CACNA1E: variants seen among roughly 807,000 people sequenced by gnomAD.
CACNA1E encodes the protein voltage-dependent R-type calcium channel subunit alpha-1E.
Under a neutral mutation model 259.2 loss-of-function variants are expected in CACNA1E, and 40 were observed. The observed-to-expected ratio is 0.15, with a 90% CI of 0.12 to 0.20. The LOEUF is 0.20. Among genes scored for constraint, CACNA1E ranks in the 10% least tolerant of loss-of-function variants. The pLI is 1.00. For synonymous variants in CACNA1E, 1,104 were observed against 1,138.5 expected, an observed-to-expected ratio of 0.97 and a Z score of 0.61; for missense variants, 1,874 against 3,040.1, an observed-to-expected ratio of 0.62 and a Z score of 9.02.
intron 7 of CACNA1E, among the ~76,000 whole-genome samples, chr1:181,701,959 G>A (rs928430683): frequency 6.6e-6 from 1 of 152,122 alleles, no homozygotes; most frequent in Non-Finnish European, 1.5e-5. Flanking sequence ...TGCCAGCAGA[G>A]GGGAAGGAGG....
chr1:181,587,798 GTGTGAA>G (rs1652225829), intron 6 of CACNA1E, among the ~76,000 whole-genome samples: 1 of 152,208 alleles, frequency 6.6e-6, no homozygotes, highest in Non-Finnish European at 1.5e-5. Context: ...CAGGAGAATG[GTGTGAA>G]CCCGGGAGGT....
intron 3 of CACNA1E, among the ~76,000 whole-genome samples, chr1:181,569,923 G>C (rs1650235413): frequency 6.6e-6 from 1 of 152,162 alleles, no homozygotes; most frequent in African/African-American, 2.4e-5. Flanking sequence ...TATAAGAACT[G>C]TATGTAATTG....
chr1:181,477,495 G>A (rs753576433), intron 2 of CACNA1E, among the ~76,000 whole-genome samples: 1 of 152,174 alleles, frequency 6.6e-6, no homozygotes, highest in African/African-American at 2.4e-5. Flanking sequence ...TTGTTAAATG[G>A]GTTTATGAAT....
intron 1 of CACNA1E, among the ~76,000 whole-genome samples, chr1:181,372,826 A>G (rs78225454): frequency 1.3e-5 from 1 of 77,572 alleles, no homozygotes; most frequent in Non-Finnish European, 2.9e-5. Context: ...ATATATATAT[A>G]TATTTTTTTT....
In CACNA1E at chr1:181,442,048, C is replaced by G. The variant is rs576093938; in HGVS notation, c.434+28468C>G. On this transcript the variant is annotated intron_variant, in intron 2 of 11. Transcript: ENST00000524607. ...ACAGTATTTTATAGCCCACACGGAC[C>G]TTGGACTCTGGCATGCCATGTAATA... is the stretch of plus-strand genomic sequence containing the variant. Among the ~76,000 whole-genome samples, 7 of 152,280 alleles carry G rather than the reference C, an allele frequency of 4.6e-5. No individual in the cohort carries two copies. In the East Asian group the frequency reaches 1.3e-3, roughly 29 times the overall value.
chr1:181,615,539 T>C (rs1184615611), intron 6 of CACNA1E, among the ~76,000 whole-genome samples: 6 of 152,204 alleles, frequency 3.9e-5, no homozygotes, highest in African/African-American at 7.2e-5. Context: ...GGCATTATTT[T>C]TAAAGTTCTG....
In CACNA1E at chr1:181,572,903, G is replaced by A. The variant is rs191795284; in HGVS notation, c.513-4863G>A. ...GCTTGGTAATTTGTGGCCTTAGAAT[G>A]AAGGGAAGAATGCTCACTTGCCTGT... On this transcript the variant is annotated intron_variant, in intron 3 of 47. Coordinates refer to ENST00000367573, the MANE Select transcript of CACNA1E (RefSeq NM_001205293.3). Among the ~76,000 whole-genome samples the A allele has an allele frequency of 4.2e-3, 643 of 152,292 alleles. 4 individuals are homozygous for A. The highest frequency in any genetic ancestry group is 0.024 in the Middle Eastern group (7 of 294).
chr1:181,494,679 C>T (rs12565873), intron 1 of CACNA1E, among the ~76,000 whole-genome samples: 4 of 152,280 alleles, frequency 2.6e-5, no homozygotes, highest in South Asian at 2.1e-4. Context: ...AGGTCACCAC[C>T]GGTGAGCTTG....
rs544555803 is a variant in CACNA1E, at chr1:181,584,165, A to T, written c.951+3389A>T. On this transcript the variant is annotated intron_variant, in intron 6 of 47. Transcript: ENST00000367573. ...TTATTGTATCAGGACTAATTCCCAG[A>T]TTGCAGAGGTTCCCAGTCCCTGTCT... 2.0e-5 allele frequency among the ~76,000 whole-genome samples: 3 copies of T among 152,286 alleles called. No individual in the cohort carries two copies. The South Asian group carries it at 6.2e-4, about 32-fold the overall frequency.
At chr1:181,587,774 T>TC (rs1488186216) in intron 6 of CACNA1E, among the ~76,000 whole-genome samples, 2 of 152,014 alleles carry the variant, frequency 1.3e-5, no homozygotes, top group African/African-American at 4.8e-5. Flanking sequence ...TCCCAGCTAC[T>TC]CAGGAGGCTG....
chr1:181,688,731 T>A (rs1030640734), intron 7 of CACNA1E, among the ~76,000 whole-genome samples: 25 of 152,200 alleles, frequency 1.6e-4, no homozygotes, highest in African/African-American at 6.0e-4. Context: ...CCATGCTATA[T>A]AATAGACCTC....
intron 1 of CACNA1E, among the ~76,000 whole-genome samples, chr1:181,324,527 G>A (rs1229697459): frequency 6.6e-6 from 1 of 152,220 alleles, no homozygotes; most frequent in African/African-American, 2.4e-5. Flanking sequence ...ATTCTCTGAG[G>A]TTGAGCATTG....
intron 2 of CACNA1E, among the ~76,000 whole-genome samples, chr1:181,477,273 G>A (rs920741249): frequency 1.3e-5 from 2 of 151,768 alleles, no homozygotes; most frequent in Non-Finnish European, 2.9e-5. Context: ...TGCCTCCAGT[G>A]GGAGGGGATG....
At chr1:181,504,253 C>A (rs905018841) in intron 1 of CACNA1E, among the ~76,000 whole-genome samples, 1 of 152,072 alleles carries the variant, frequency 6.6e-6, no homozygotes, top group African/African-American at 2.4e-5. Context: ...AGGAATGCCT[C>A]CCCTCAGACT....
intron 24 of CACNA1E, among the ~76,000 whole-genome samples, chr1:181,738,946 C>T (rs186472770): frequency 2.6e-4 from 40 of 152,292 alleles, no homozygotes; most frequent in Middle Eastern, 3.4e-3. Flanking sequence ...CTAGTGAACC[C>T]TGGGTGACTA....
intron 1 of CACNA1E, among the ~76,000 whole-genome samples, chr1:181,391,816 A>G (rs1233867305): frequency 6.6e-6 from 1 of 152,140 alleles, no homozygotes; most frequent in Non-Finnish European, 1.5e-5. Context: ...TAGGTGGAAT[A>G]GAAGGCTGTT....
intron 1 of CACNA1E, among the ~76,000 whole-genome samples, chr1:181,410,716 G>T (rs1344631643): frequency 6.6e-6 from 1 of 152,218 alleles, no homozygotes; most frequent in Non-Finnish European, 1.5e-5. Flanking sequence ...GCTAGGACTT[G>T]AAATCTGAGT....
chr1:181,737,970 G>A (rs893187493), intron 23 of CACNA1E, among the ~76,000 whole-genome samples: 2 of 152,226 alleles, frequency 1.3e-5, no homozygotes, highest in Non-Finnish European at 2.9e-5. Flanking sequence ...TCCACCACAG[G>A]GGGCCAAGGC....
chr1:181,574,045 A>G (rs1055148364), intron 3 of CACNA1E, among the ~76,000 whole-genome samples: 9 of 152,170 alleles, frequency 5.9e-5, no homozygotes. Flanking sequence ...CAAACACTGC[A>G]TGTTCTCACT....
Sources: gnomAD v4.1 joint callset for allele counts (sites outside exome capture counted in the v4.1 genomes callset) on GRCh38, gnomAD v4.1.1 for gene constraint, MANE v1.5 for transcripts, NCBI Gene and HGNC (gene_info 2026-07-23, HGNC 2026-07-21) for gene names.